DAW1: variants seen among roughly 807,000 people sequenced by gnomAD.
DAW1 encodes dynein assembly factor with WD repeat domains 1.
Under a neutral mutation model 56.5 loss-of-function variants are expected in DAW1, and 47 were observed. The observed-to-expected ratio is 0.83, with a 90% CI of 0.66 to 1.06. DAW1 has a LOEUF of 1.06. DAW1 is among the 50% of genes least tolerant of loss of function. The pLI is 0.00. For missense variants in DAW1, 505 were observed against 499.3 expected (o/e 1.01, Z -0.11); for synonymous variants, 190 against 179.0 (o/e 1.06, Z -0.49).
intron 6 of DAW1, among the ~76,000 whole-genome samples, chr2:227,898,689 A>G (rs1365571960): frequency 6.6e-6 from 1 of 152,142 alleles, no homozygotes; most frequent in East Asian, 1.9e-4. Flanking sequence ...CTACTTTTAT[A>G]ATTAATTTTC....
intron 1 of DAW1, among the ~76,000 whole-genome samples, chr2:227,876,071 A>G (rs1337224665): frequency 1.3e-5 from 2 of 151,514 alleles, no homozygotes; most frequent in Non-Finnish European, 2.9e-5. Context: ...GCTGTAGTGC[A>G]GTGGCATGAT....
chr2:227,921,334 GCT>G, intron 11 of DAW1, 63 bp from the exon 12 acceptor site: 2 of 103,040 alleles, frequency 1.9e-5, no homozygotes, highest in Non-Finnish European at 3.4e-5. Flanking sequence ...TTTTTTTTTT[GCT>G]GATAAGAAAT....
intron 3 of DAW1, among the ~76,000 whole-genome samples, chr2:227,890,426 T>G (rs1691236722): frequency 6.6e-6 from 1 of 152,224 alleles, no homozygotes; most frequent in Non-Finnish European, 1.5e-5. Context: ...TTTAATGTGA[T>G]GTAAATATGC....
chr2:227,878,291 A>G (rs1421561903), intron 1 of DAW1, among the ~76,000 whole-genome samples: 2 of 152,248 alleles, frequency 1.3e-5, no homozygotes, highest in Admixed American at 6.5e-5. Context: ...ATCTAAAATT[A>G]TAGTACAGAA....
At chr2:227,871,874 C>G (rs1300751105) in intron 1 of DAW1, 145 bp downstream of exon 1, 4 of 953,150 alleles carry the variant, frequency 4.2e-6, no homozygotes, top group Non-Finnish European at 6.4e-6. Context: ...CAACCTGTGC[C>G]CCTCATTCCT....
intron 2 of DAW1, among the ~76,000 whole-genome samples, chr2:227,889,277 T>C (rs1378627238): frequency 2.0e-5 from 3 of 152,162 alleles, no homozygotes; most frequent in African/African-American, 7.2e-5. Context: ...TTCTCGTAGT[T>C]CTGACTGAGA....
At chr2:227,918,687 T>C (rs1010524124) in intron 10 of DAW1, 93 bp from the exon 11 acceptor site, 2 of 1,354,966 alleles carry the variant, frequency 1.5e-6, no homozygotes, top group African/African-American at 2.9e-5. Flanking sequence ...AGCTCGTGTG[T>C]CAGGGGGATA....
intron 1 of DAW1, among the ~76,000 whole-genome samples, chr2:227,873,399 G>C (rs796626564): frequency 6.6e-6 from 1 of 152,194 alleles, no homozygotes; most frequent in Non-Finnish European, 1.5e-5. Flanking sequence ...TCAGCTTCTA[G>C]AAGAGATTTG....
chr2:227,884,704 A>T (rs1405183307), intron 1 of DAW1, among the ~76,000 whole-genome samples: 1 of 152,172 alleles, frequency 6.6e-6, no homozygotes, highest in Non-Finnish European at 1.5e-5. Flanking sequence ...AGGCAGGGAA[A>T]CGCAGGGCTT....
chr2:227,916,512 G>T (rs1008614086), intron 10 of DAW1, among the ~76,000 whole-genome samples: 35 of 152,076 alleles, frequency 2.3e-4, no homozygotes, highest in African/African-American at 6.8e-4. Context: ...TCATCTACTT[G>T]AAAACCAAGT....
In DAW1 at chr2:227,907,219, A is replaced by C; in HGVS notation, c.940A>C (p.Thr314Pro). ...AATACTAGACAGCTGCTTTGATTAC[A>C]CTGGAAAGCTTATTGCAACTGCTTC... ...DEILDSCFDY[T>P]GKLIATASAD... Residue 314 changes from threonine to proline, a missense_variant, in exon 10 of 13, where the codon ACT becomes CCT. Physicochemically the swap from Thr to Pro is conservative, Grantham distance 38 (BLOSUM62 -1). Coordinates refer to ENST00000309931, the MANE Select transcript of DAW1 (RefSeq NM_178821.3). The C allele has an allele frequency of 6.2e-7, 1 of 1,613,454 alleles. No individual in the cohort carries two copies. Among genetic ancestry groups the C allele is most frequent in the Non-Finnish European group, 8.5e-7 (1 of 1,179,770 alleles).
chr2:227,887,218 T>C (rs1411023454), intron 2 of DAW1, among the ~76,000 whole-genome samples: 1 of 152,184 alleles, frequency 6.6e-6, no homozygotes, highest in Non-Finnish European at 1.5e-5. Flanking sequence ...GAATGAACAG[T>C]GGCACAGATA....
intron 6 of DAW1, among the ~76,000 whole-genome samples, chr2:227,902,372 G>C (rs1691568301): frequency 6.6e-6 from 1 of 152,130 alleles, no homozygotes; most frequent in South Asian, 2.1e-4. Flanking sequence ...CAGTTGAATG[G>C]GGAGGATGGA....
At chr2:227,887,564 G>A (rs1691160184) in intron 2 of DAW1, 2 of 152,176 alleles carry the variant, frequency 1.3e-5, no homozygotes, top group South Asian at 4.1e-4. Context: ...TTCTATATGA[G>A]AGAATAACCT....
chr2:227,890,408 CAT>C (rs1354826207), intron 3 of DAW1, among the ~76,000 whole-genome samples: 1 of 152,020 alleles, frequency 6.6e-6, no homozygotes, highest in Non-Finnish European at 1.5e-5. Flanking sequence ...ATTTGTATGA[CAT>C]ATAATTTTAA....
chr2:227,908,430 C>T (rs17197476), intron 10 of DAW1, among the ~76,000 whole-genome samples: 12,776 of 152,140 alleles, frequency 0.084, 716 homozygotes, highest in Non-Finnish European at 0.13. Context: ...ATCTCAGTGA[C>T]GACCATCTGT....
intron 10 of DAW1, among the ~76,000 whole-genome samples, chr2:227,917,142 A>ATCTATCTATCTATCTATCTGTCTG (rs1162712241): frequency 5.1e-5 from 7 of 138,462 alleles, no homozygotes; most frequent in Non-Finnish European, 7.6e-5. Flanking sequence ...CTATCTATCT[A>ATCTATCTATCTATCTATCTGTCTG]TCTGTCTGTC....
intron 10 of DAW1, among the ~76,000 whole-genome samples, chr2:227,917,434 G>A (rs4319923): frequency 0.48 from 73,427 of 151,594 alleles, 18,259 homozygotes; most frequent in Middle Eastern, 0.63. Context: ...CTAATTTGTT[G>A]TATTTTTAGT....
rs749136742 is a variant in DAW1, at chr2:227,898,160, C to G, written c.441-22C>G. The G allele has an allele frequency of 6.0e-6, 9 of 1,488,618 alleles. 1 individual carries two copies. Among genetic ancestry groups the G allele is most frequent in the Non-Finnish European group, 8.2e-6 (9 of 1,098,928 alleles). 92.2% of individuals were successfully genotyped at this position (1,488,618 alleles called of 1,614,324 possible). A position where few individuals can be genotyped will look rare whatever the true frequency, so the allele number is the denominator to read the frequency against. On this transcript the variant is annotated intron_variant, in intron 5 of 12. Coordinates refer to ENST00000309931, the MANE Select transcript of DAW1 (RefSeq NM_178821.3). ...TATAATGTGTCTTTTTTTAAATAAT[C>G]TACATTTCTTTTAAATCTTAGTGAC...
Sources: allele counts gnomAD v4.1 joint callset (sites outside exome capture counted in the v4.1 genomes callset), GRCh38; gene constraint gnomAD v4.1.1; transcripts MANE v1.5; gene names NCBI Gene and HGNC (gene_info 2026-07-23, HGNC 2026-07-21).